The following NBEA variants were observed in gnomAD, a reference collection of about 807,000 sequenced individuals.
NBEA encodes the protein lysosomal-trafficking regulator 2.
Under a neutral mutation model 343.4 loss-of-function variants are expected in NBEA, and 44 were observed. That is an observed-to-expected ratio of 0.13 (90% CI 0.10 to 0.16). The LOEUF (loss-of-function observed/expected upper bound fraction) is 0.16, where lower values mean the gene tolerates loss of function less well. Ranked by LOEUF, NBEA falls within the 10% of genes least tolerant of loss-of-function variation. NBEA has a pLI of 1.00. For missense variants in NBEA, 2,555 were observed against 3,631.3 expected (o/e 0.70, Z 7.62); for synonymous variants, 1,175 against 1,238.7 (o/e 0.95, Z 1.08).
At chr13:34,971,351 C>A (rs1256762732) in intron 1 of NBEA, among the ~76,000 whole-genome samples, 1 of 152,058 alleles carries the variant, frequency 6.6e-6, no homozygotes, top group Non-Finnish European at 1.5e-5. Context: ...CTCTTCCTAT[C>A]TGAATGCCCT....
At chr13:35,627,120 A>C (rs568248726) in intron 48 of NBEA, among the ~76,000 whole-genome samples, 4 of 152,340 alleles carry the variant, frequency 2.6e-5, no homozygotes, top group Admixed American at 2.6e-4. Flanking sequence ...GTGAATTCCA[A>C]ATTGGTTTCA....
chr13:34,957,278 G>A (rs1196798916), intron 1 of NBEA, among the ~76,000 whole-genome samples: 4 of 151,946 alleles, frequency 2.6e-5, no homozygotes, highest in Non-Finnish European at 5.9e-5. Flanking sequence ...TTATTACAAA[G>A]CTTAAAATAA....
chr13:35,289,994 C>A (rs1253951784), intron 34 of NBEA, among the ~76,000 whole-genome samples: 1 of 151,530 alleles, frequency 6.6e-6, no homozygotes, highest in Non-Finnish European at 1.5e-5. Flanking sequence ...TTCTTTGCTC[C>A]AAGGAAACAA....
chr13:35,411,727 G>C (rs1227877844), intron 38 of NBEA, among the ~76,000 whole-genome samples: 2 of 151,604 alleles, frequency 1.3e-5, no homozygotes, highest in Non-Finnish European at 2.9e-5. Flanking sequence ...TGAACTCTTG[G>C]GCTCAAGCAA....
At chr13:35,318,894 G>T (rs556988255) in intron 36 of NBEA, among the ~76,000 whole-genome samples, 2 of 152,258 alleles carry the variant, frequency 1.3e-5, no homozygotes, top group African/African-American at 4.8e-5. Context: ...TTGCATAGAG[G>T]TGTTTATAGT....
At chr13:35,557,642 G>T (rs1050590079) in intron 44 of NBEA, among the ~76,000 whole-genome samples, 1 of 152,028 alleles carries the variant, frequency 6.6e-6, no homozygotes, top group Admixed American at 6.6e-5. Context: ...AAACATGAAA[G>T]CCTGACTATT....
chr13:35,577,319 G>A (rs2080789416), intron 45 of NBEA, among the ~76,000 whole-genome samples: 1 of 152,218 alleles, frequency 6.6e-6, no homozygotes. Context: ...GCACCAGGTA[G>A]ACCAAGAGTG....
chr13:35,251,269 C>A, intron 34 of NBEA: 2 of 454,404 alleles, frequency 4.4e-6, no homozygotes, highest in Non-Finnish European at 6.1e-6. Flanking sequence ...TGCCAGTCGT[C>A]GCTGGTAGCA....
intron 47 of NBEA, among the ~76,000 whole-genome samples, chr13:35,600,552 A>T (rs184930936): frequency 6.6e-6 from 1 of 152,194 alleles, no homozygotes; most frequent in Admixed American, 6.5e-5. Context: ...CCTAAAAAAA[A>T]TTGAGACCAA....
At chr13:35,243,846 G>A (rs2030747497) in intron 34 of NBEA, among the ~76,000 whole-genome samples, 1 of 151,852 alleles carries the variant, frequency 6.6e-6, no homozygotes, top group African/African-American at 2.4e-5. Flanking sequence ...AAGCAACCAG[G>A]TAAAAGGTGA....
intron 38 of NBEA, among the ~76,000 whole-genome samples, chr13:35,383,790 GAAT>G (rs2042115724): frequency 6.6e-6 from 1 of 152,030 alleles, no homozygotes; most frequent in African/African-American, 2.4e-5. Flanking sequence ...TCGATGACAG[GAAT>G]AATGTTGGTA....
At chr13:35,045,467 A>C (rs2062815424) in intron 4 of NBEA, 66 bp downstream of exon 4, 4 of 1,236,740 alleles carry the variant, frequency 3.2e-6, no homozygotes, top group Non-Finnish European at 4.5e-6. Context: ...GTAAGGTTTA[A>C]CTTACATATA....
chr13:35,396,518 T>C (rs1461968), intron 38 of NBEA, among the ~76,000 whole-genome samples: 136,441 of 152,068 alleles, frequency 0.9, 61,935 homozygotes, highest in Non-Finnish European at 0.96. Flanking sequence ...TAATAGTGTA[T>C]CACTTTATGT....
At chr13:35,455,956 A>G (rs1401750305) in intron 40 of NBEA, among the ~76,000 whole-genome samples, 1 of 152,090 alleles carries the variant, frequency 6.6e-6, no homozygotes. Context: ...CTCTTCTAAA[A>G]TGATGTGAAA....
intron 1 of NBEA, among the ~76,000 whole-genome samples, chr13:35,039,380 T>A (rs2062567057): frequency 6.6e-6 from 1 of 152,198 alleles, no homozygotes; most frequent in South Asian, 2.1e-4. Flanking sequence ...TAGTTGTTTG[T>A]TAACTTAGTG....
intron 53 of NBEA, among the ~76,000 whole-genome samples, chr13:35,654,419 T>C (rs2084705829): frequency 1.3e-5 from 2 of 152,212 alleles, no homozygotes; most frequent in African/African-American, 4.8e-5. Flanking sequence ...ACAGGAATTA[T>C]AAATACCATC....
chr13:35,266,423 A>T (rs1479690710), intron 34 of NBEA, among the ~76,000 whole-genome samples: 1 of 151,854 alleles, frequency 6.6e-6, no homozygotes, highest in Non-Finnish European at 1.5e-5. Flanking sequence ...AGTAGCCGAG[A>T]TGTGTACTCA....
intron 48 of NBEA, among the ~76,000 whole-genome samples, chr13:35,615,506 G>A (rs976093648): frequency 7.2e-5 from 11 of 151,960 alleles, no homozygotes; most frequent in Admixed American, 3.9e-4. Flanking sequence ...ACCACGCCCG[G>A]CTAATTTTTT....
intron 45 of NBEA, among the ~76,000 whole-genome samples, chr13:35,573,158 C>T (rs2153031000): frequency 6.6e-6 from 1 of 152,274 alleles, no homozygotes; most frequent in Non-Finnish European, 1.5e-5. Flanking sequence ...GCTAATATGG[C>T]AGTGCTGAGG....
Sources: allele counts gnomAD v4.1 joint callset (sites outside exome capture counted in the v4.1 genomes callset), GRCh38; gene constraint gnomAD v4.1.1; transcripts MANE v1.5; gene names NCBI Gene and HGNC (gene_info 2026-07-23, HGNC 2026-07-21).